PTK2B: variants seen among roughly 807,000 people sequenced by gnomAD.
The protein encoded by PTK2B is protein tyrosine kinase 2 beta, also known as protein-tyrosine kinase 2-beta.
Under a neutral mutation model 142.9 loss-of-function variants are expected in PTK2B, and 71 were observed. The ratio of observed to expected loss-of-function variants is 0.50; its 90% CI spans 0.41 to 0.61. PTK2B has a LOEUF of 0.61. Among genes scored for constraint, PTK2B ranks in the 20% least tolerant of loss-of-function variants. The pLI, the probability that PTK2B is intolerant of heterozygous loss-of-function variation, is 0.00. For synonymous variants in PTK2B, 519 were observed against 503.4 expected, an observed-to-expected ratio of 1.03 and a Z score of -0.42; for missense variants, 1,105 against 1,320.4, an observed-to-expected ratio of 0.84 and a Z score of 2.53.
At chr8:27,423,248 G>T (rs1246528681) in intron 5 of PTK2B, among the ~76,000 whole-genome samples, 1 of 152,160 alleles carries the variant, frequency 6.6e-6, no homozygotes, top group Non-Finnish European at 1.5e-5. Context: ...ACTGAGGAGG[G>T]TGATATGGCT....
chr8:27,361,784 T>G (rs1321393578), intron 1 of PTK2B, among the ~76,000 whole-genome samples: 2 of 152,194 alleles, frequency 1.3e-5, no homozygotes. Context: ...AGTACAGTCC[T>G]GGGGTCCTCT....
intron 1 of PTK2B, among the ~76,000 whole-genome samples, chr8:27,391,372 C>T (rs1411046000): frequency 1.3e-5 from 2 of 152,192 alleles, no homozygotes; most frequent in East Asian, 3.9e-4. Flanking sequence ...GCTAGGATTA[C>T]AGTCGTGAGC....
rs542880337 is a variant in PTK2B, at chr8:27,433,888, G to A, written c.1106-205G>A. Among the ~76,000 whole-genome samples the A allele has an allele frequency of 7.2e-4, 109 of 152,348 alleles. 1 individual carries two copies. Among genetic ancestry groups the A allele is most frequent in the Admixed American group, 1.4e-3 (21 of 15,308 alleles). On this transcript the variant is annotated intron_variant, in intron 11 of 30. Coordinates refer to ENST00000346049, the MANE Select transcript of PTK2B (RefSeq NM_173176.3). ...GATTCAGGAAGCAGGGGTCACAGCT[G>A]GAGCACGTGAAATCTGGCCTGAGGC...
chr8:27,439,347 G>T lies in PTK2B; in HGVS notation c.1783G>T (p.Glu595Ter). ...TCTCCCCATCAAATGGATGTCCCCA[G>T]AGTCCATTAACTTCCGACGCTTCAC... ...TRLPIKWMSP[E>*]SINFRRFTTA... Residue 595 changes from glutamate (E) to a stop codon, truncating the protein, a stop_gained, in exon 20 of 31, where the codon GAG becomes TAG. Transcript: ENST00000346049. LOFTEE classifies it high-confidence loss of function. The T allele has an allele frequency of 6.2e-7, 1 of 1,614,160 alleles. No homozygotes were observed. The highest frequency in any genetic ancestry group is 8.5e-7 in the Non-Finnish European group (1 of 1,179,998).
intron 27 of PTK2B, chr8:27,452,658 G>T: frequency 6.1e-6 from 1 of 165,176 alleles, no homozygotes; most frequent in Non-Finnish European, 1.3e-5. Context: ...CTGCAATTTT[G>T]CTTCCTTCAG....
chr8:27,322,702 T>G (rs187058380), upstream of PTK2B: 95 of 152,378 alleles, frequency 6.2e-4, no homozygotes, highest in African/African-American at 2.2e-3. Context: ...TGGATTCGCA[T>G]GTCCAAAGTC....
chr8:27,401,227 G>T (rs1303021781), intron 2 of PTK2B, among the ~76,000 whole-genome samples: 1 of 151,236 alleles, frequency 6.6e-6, no homozygotes, highest in African/African-American at 2.4e-5. Context: ...GGAAAAACAA[G>T]AATCAGTCAA....
At chr8:27,451,756 G>C (rs1811834618) in intron 27 of PTK2B, 1 of 1,363,390 alleles carries the variant, frequency 7.3e-7, no homozygotes, top group Non-Finnish European at 9.4e-7. Flanking sequence ...CCCCTCCTCA[G>C]ATCATCCCCC....
At chr8:27,445,605 C>A (rs769996819) in intron 23 of PTK2B, among the ~76,000 whole-genome samples, 189 bp from the exon 24 acceptor site, 2 of 152,100 alleles carry the variant, frequency 1.3e-5, no homozygotes, top group African/African-American at 2.4e-5. Flanking sequence ...GAATGAGAGG[C>A]TGCACTGCTC....
At chr8:27,452,559 C>CAA (rs371050770) in intron 27 of PTK2B, 2,218 of 130,350 alleles carry the variant, frequency 0.017, 42 homozygotes, top group Middle Eastern at 0.024. Context: ...AGCCCTGCCT[C>CAA]AAAAAAAAAA....
At chr8:27,310,817 G>A (rs754818557), upstream of PTK2B, 3 of 1,600,324 alleles carry the variant, frequency 1.9e-6, no homozygotes, top group South Asian at 3.3e-5. Context: ...GTCGTGGGCA[G>A]TGTCCTTCAC....
chr8:27,447,742 C>T (rs760973034), intron 24 of PTK2B, among the ~76,000 whole-genome samples: 2 of 152,142 alleles, frequency 1.3e-5, no homozygotes, highest in African/African-American at 2.4e-5. Flanking sequence ...CACCTGTAAT[C>T]CCAGCTACTC....
intron 1 of PTK2B, among the ~76,000 whole-genome samples, chr8:27,391,366 G>A (rs1197789685): frequency 6.6e-6 from 1 of 152,120 alleles, no homozygotes; most frequent in Non-Finnish European, 1.5e-5. Flanking sequence ...CAAAATGCTA[G>A]GATTACAGTC....
intron 5 of PTK2B, among the ~76,000 whole-genome samples, chr8:27,429,021 G>A (rs1315633233): frequency 2.0e-5 from 3 of 152,130 alleles, no homozygotes; most frequent in Non-Finnish European, 4.4e-5. Flanking sequence ...CTGGGTTCAA[G>A]TGATTCTCCT....
chr8:27,367,995 G>A (rs565753159), intron 1 of PTK2B, among the ~76,000 whole-genome samples: 9 of 152,232 alleles, frequency 5.9e-5, no homozygotes, highest in Non-Finnish European at 1.3e-4. Context: ...AGAGCCAGGG[G>A]ACAAAGCAGG....
rs186838561 is a variant in PTK2B, at chr8:27,387,938, C to T, written c.-37-9610C>T. Among the ~76,000 whole-genome samples the T allele has an allele frequency of 2.0e-5, 3 of 151,684 alleles. No individual in the cohort carries two copies. The East Asian group carries it at 5.8e-4, about 29-fold the overall frequency. ...AGGATTTCAAGAACTTTTTTTGATC[C>T]TCTGTTAAAGCCATAATCTCTCCCA... On this transcript the variant is annotated intron_variant, in intron 1 of 30. Transcript: ENST00000346049.
At chr8:27,372,773 C>T (rs777295316) in intron 1 of PTK2B, among the ~76,000 whole-genome samples, 1 of 152,104 alleles carries the variant, frequency 6.6e-6, no homozygotes, top group Non-Finnish European at 1.5e-5. Flanking sequence ...GGAAGGGTAA[C>T]CCTAGCTGAG....
chr8:27,404,967 T>G (rs1366606624), intron 2 of PTK2B, among the ~76,000 whole-genome samples: 2 of 150,654 alleles, frequency 1.3e-5, no homozygotes, highest in Non-Finnish European at 3.0e-5. Flanking sequence ...GGGATTAGTG[T>G]CCTTATAAAA....
At chr8:27,382,640 C>A (rs1371711437) in intron 1 of PTK2B, among the ~76,000 whole-genome samples, 2 of 152,070 alleles carry the variant, frequency 1.3e-5, no homozygotes, top group Non-Finnish European at 2.9e-5. Context: ...TTGCCCAGAC[C>A]AATGTCCCGA....
Sources: gnomAD v4.1 joint callset for allele counts (sites outside exome capture counted in the v4.1 genomes callset) on GRCh38, gnomAD v4.1.1 for gene constraint, MANE v1.5 for transcripts, NCBI Gene and HGNC (gene_info 2026-07-23, HGNC 2026-07-21) for gene names.